GREM2: variants seen among roughly 807,000 people sequenced by gnomAD.
GREM2 encodes gremlin-2.
GREM2 carries 11 observed loss-of-function variants against 14.2 expected under a neutral mutation model. The observed-to-expected ratio is 0.78, with a 90% confidence interval of 0.49 to 1.28. The LOEUF (loss-of-function observed/expected upper bound fraction) is 1.28, where lower values mean the gene tolerates loss of function less well. Among genes scored for constraint, GREM2 ranks in the 50% most tolerant of loss-of-function variants. The pLI is 0.00. For synonymous variants in GREM2, 98 were observed against 97.6 expected (o/e 1.00, Z -0.02); for missense variants, 210 against 218.5 (o/e 0.96, Z 0.24).
chr1:240,583,443 G>A (rs1229560074), intron 1 of GREM2, among the ~76,000 whole-genome samples: 3 of 152,084 alleles, frequency 2.0e-5, no homozygotes, highest in East Asian at 1.9e-4. Flanking sequence ...AAATGTACAC[G>A]ATGTCAGTGC....
chr1:240,607,420 C>T (rs1226372674), intron 1 of GREM2, among the ~76,000 whole-genome samples: 1 of 151,994 alleles, frequency 6.6e-6, no homozygotes, highest in Non-Finnish European at 1.5e-5. Flanking sequence ...TGCTTTTTGC[C>T]TGTTTCCTTC....
intron 1 of GREM2, among the ~76,000 whole-genome samples, chr1:240,507,011 TGGGGCTGGAGCC>T (rs907355376): frequency 6.6e-6 from 1 of 152,174 alleles, no homozygotes; most frequent in African/African-American, 2.4e-5. Flanking sequence ...AACTGGATGA[TGGGGCTGGAGCC>T]GGGGCTGGTA....
chr1:240,600,605 T>C (rs1679903045), intron 1 of GREM2, among the ~76,000 whole-genome samples: 1 of 152,152 alleles, frequency 6.6e-6, no homozygotes, highest in African/African-American at 2.4e-5. Context: ...TACCTCAGCC[T>C]CCTGAGTAGC....
At chr1:240,565,371 C>T (rs539164182) in intron 1 of GREM2, among the ~76,000 whole-genome samples, 5 of 152,192 alleles carry the variant, frequency 3.3e-5, no homozygotes, top group African/African-American at 9.6e-5. Flanking sequence ...TTGACTGTAA[C>T]ATTTTATCAA....
chr1:240,498,901 G>A (rs1323949476), intron 1 of GREM2, among the ~76,000 whole-genome samples: 1 of 152,184 alleles, frequency 6.6e-6, no homozygotes, highest in Non-Finnish European at 1.5e-5. Flanking sequence ...GGGGTGCCAG[G>A]ACTGTAAATG....
chr1:240,555,189 A>T (rs1678931487), intron 1 of GREM2, among the ~76,000 whole-genome samples: 1 of 151,986 alleles, frequency 6.6e-6, no homozygotes, highest in Non-Finnish European at 1.5e-5. Context: ...AAGAATTGTG[A>T]CCATATTCTG....
At chr1:240,511,166 G>C (rs1000887095) in intron 1 of GREM2, among the ~76,000 whole-genome samples, 1 of 152,096 alleles carries the variant, frequency 6.6e-6, no homozygotes, top group Admixed American at 6.5e-5. Flanking sequence ...AGTAGCATTA[G>C]TTTCTCACTA....
intron 1 of GREM2, among the ~76,000 whole-genome samples, chr1:240,596,986 T>C (rs1169348883): frequency 6.6e-6 from 1 of 152,240 alleles, no homozygotes; most frequent in Non-Finnish European, 1.5e-5. Context: ...ACTACTGGCC[T>C]GCTCTGTCCT....
At chr1:240,498,804 T>C (rs1195921427) in intron 1 of GREM2, among the ~76,000 whole-genome samples, 1 of 152,212 alleles carries the variant, frequency 6.6e-6, no homozygotes, top group Non-Finnish European at 1.5e-5. Flanking sequence ...ACATCTTGTA[T>C]TTGGCTTGTA....
chr1:240,506,817 C>G (rs1397676334), intron 1 of GREM2, among the ~76,000 whole-genome samples: 1 of 152,190 alleles, frequency 6.6e-6, no homozygotes, highest in Non-Finnish European at 1.5e-5. Flanking sequence ...GGACAATAAA[C>G]CTGGACATTG....
intron 1 of GREM2, among the ~76,000 whole-genome samples, chr1:240,548,771 A>T (rs1678787949): frequency 6.6e-6 from 1 of 152,214 alleles, no homozygotes; most frequent in Non-Finnish European, 1.5e-5. Flanking sequence ...GGCTGTGAAT[A>T]ATGAATGCTC....
intron 1 of GREM2, among the ~76,000 whole-genome samples, chr1:240,504,683 C>T (rs1333795356): frequency 1.3e-5 from 2 of 152,146 alleles, no homozygotes; most frequent in Non-Finnish European, 2.9e-5. Flanking sequence ...TAATCAGTTC[C>T]TTTTGCAAGT....
chr1:240,513,508 G>A lies in GREM2; in HGVS notation c.-1-20032C>T, dbSNP rs577529077. On this transcript the variant is annotated intron_variant, in intron 1 of 1. Transcript: ENST00000318160. ...GAGAATCGCTTTAACCTGGGAGACA[G>A]AGGTTGCAGTGAGCCGAGATCACAC... Among the ~76,000 whole-genome samples, 11 of 149,612 alleles carry A rather than the reference G, an allele frequency of 7.4e-5. No individual in the cohort carries two copies. The South Asian group carries it at 2.3e-3, about 32-fold the overall frequency.
intron 1 of GREM2, among the ~76,000 whole-genome samples, chr1:240,512,802 T>G (rs1572373599): frequency 6.6e-6 from 1 of 152,300 alleles, no homozygotes; most frequent in African/African-American, 2.4e-5. Flanking sequence ...TTATTAAAGT[T>G]ATGGCCCTGA....
At chr1:240,583,758 T>C (rs986735124) in intron 1 of GREM2, among the ~76,000 whole-genome samples, 5 of 152,024 alleles carry the variant, frequency 3.3e-5, no homozygotes, top group Admixed American at 1.3e-4. Flanking sequence ...TGCGCCACCA[T>C]GCCCAGCTAA....
At chr1:240,554,947 C>T (rs1439891562) in intron 1 of GREM2, among the ~76,000 whole-genome samples, 2 of 152,078 alleles carry the variant, frequency 1.3e-5, no homozygotes, top group African/African-American at 2.4e-5. Flanking sequence ...AGTTCGAGAC[C>T]AGCCTGGCCA....
chr1:240,557,816 A>G (rs376799928), intron 1 of GREM2, among the ~76,000 whole-genome samples: 1 of 152,130 alleles, frequency 6.6e-6, no homozygotes, highest in Non-Finnish European at 1.5e-5. Context: ...CCACCCAGAC[A>G]GGGTGACTAC....
At chr1:240,500,698 G>A (rs1677552905) in intron 1 of GREM2, among the ~76,000 whole-genome samples, 1 of 152,198 alleles carries the variant, frequency 6.6e-6, no homozygotes, top group South Asian at 2.1e-4. Context: ...ATTTGTAGAA[G>A]GAGCCTGTTT....
intron 1 of GREM2, among the ~76,000 whole-genome samples, chr1:240,592,273 A>G (rs1679729465): frequency 6.6e-6 from 1 of 152,220 alleles, no homozygotes; most frequent in African/African-American, 2.4e-5. Flanking sequence ...CATTTGTAAG[A>G]TAAGTTTATA....
Sources: allele counts gnomAD v4.1 joint callset (sites outside exome capture counted in the v4.1 genomes callset), GRCh38; gene constraint gnomAD v4.1.1; transcripts MANE v1.5; gene names NCBI Gene and HGNC (gene_info 2026-07-23, HGNC 2026-07-21).